GALNTL6: variants seen among roughly 807,000 people sequenced by gnomAD.
The protein encoded by GALNTL6 is polypeptide N-acetylgalactosaminyltransferase like 6.
Under a neutral mutation model 73.7 loss-of-function variants are expected in GALNTL6, and 46 were observed. The ratio of observed to expected loss-of-function variants is 0.62; its 90% CI spans 0.49 to 0.80. GALNTL6 has a LOEUF of 0.80. Among genes scored for constraint, GALNTL6 ranks in the 30% least tolerant of loss-of-function variants. The probability of loss-of-function intolerance (pLI) is 0.00; values close to 1 mark genes in which losing one functional copy is unlikely to be tolerated. For synonymous variants in GALNTL6, 259 were observed against 263.7 expected (o/e 0.98, Z 0.17); for missense variants, 604 against 755.0 (o/e 0.80, Z 2.34).
intron 5 of GALNTL6, among the ~76,000 whole-genome samples, chr4:172,543,582 C>G (rs1735652080): frequency 6.6e-6 from 1 of 152,086 alleles, no homozygotes; most frequent in African/African-American, 2.4e-5. Context: ...AAATAAATTT[C>G]AAAGCGACAG....
chr4:171,868,865 G>C (rs986193770), intron 2 of GALNTL6, among the ~76,000 whole-genome samples: 8 of 152,104 alleles, frequency 5.3e-5, no homozygotes, highest in Admixed American at 1.3e-4. Context: ...ATTTTTAGTA[G>C]AGACAGGGTT....
chr4:172,576,817 A>G (rs1736974086), intron 5 of GALNTL6, among the ~76,000 whole-genome samples: 1 of 152,180 alleles, frequency 6.6e-6, no homozygotes, highest in South Asian at 2.1e-4. Context: ...AGGGTGACCA[A>G]CAACACAACA....
intron 2 of GALNTL6, among the ~76,000 whole-genome samples, chr4:172,210,198 G>C (rs1357235798): frequency 6.6e-6 from 1 of 151,966 alleles, no homozygotes. Flanking sequence ...TTTAGATTTA[G>C]AGAAATATTG....
intron 5 of GALNTL6, among the ~76,000 whole-genome samples, chr4:172,388,330 C>T (rs1209080890): frequency 6.6e-6 from 1 of 152,098 alleles, no homozygotes; most frequent in Non-Finnish European, 1.5e-5. Flanking sequence ...TCATAGAACG[C>T]AATGCTCTAG....
chr4:172,317,290 T>G (rs1740594127), intron 4 of GALNTL6, among the ~76,000 whole-genome samples: 1 of 152,262 alleles, frequency 6.6e-6, no homozygotes, highest in Admixed American at 6.5e-5. Context: ...TGCATTGTGA[T>G]GCTGAACAAG....
intron 5 of GALNTL6, among the ~76,000 whole-genome samples, chr4:172,779,069 C>A (rs1254499419): frequency 1.3e-5 from 2 of 152,028 alleles, no homozygotes; most frequent in African/African-American, 4.8e-5. Flanking sequence ...GAAATATGAG[C>A]TCCATAAGGG....
intron 2 of GALNTL6, among the ~76,000 whole-genome samples, chr4:171,970,373 G>A (rs1215741531): frequency 1.3e-5 from 2 of 152,136 alleles, no homozygotes; most frequent in Non-Finnish European, 2.9e-5. Context: ...TAAAAGTTTT[G>A]TACTTTAGTA....
intron 6 of GALNTL6, among the ~76,000 whole-genome samples, chr4:172,811,914 A>G (rs191078860): frequency 6.6e-6 from 1 of 152,180 alleles, no homozygotes; most frequent in South Asian, 2.1e-4. Flanking sequence ...GATGTTATTC[A>G]TCATGGTATC....
At chr4:172,661,247 C>T (rs896838369) in intron 5 of GALNTL6, among the ~76,000 whole-genome samples, 1 of 152,174 alleles carries the variant, frequency 6.6e-6, no homozygotes, top group Non-Finnish European at 1.5e-5. Flanking sequence ...CCACCCCCTA[C>T]CCCACAAGAA....
chr4:172,631,149 AT>A lies in GALNTL6; in HGVS notation c.554-178201del, dbSNP rs548371593. Reference sequence around the variant, plus strand: ...TTTTAACTTTTTTGAATATGTAGTAATTTTTTTTTTTAAATGGAGTCTCACC... The same window carrying A: ...TTTTAACTTTTTTGAATATGTAGTAATTTTTTTTTTAAATGGAGTCTCACC... On this transcript the variant is annotated intron_variant, in intron 5 of 12. Transcript: ENST00000506823. Among the ~76,000 whole-genome samples, 885 of 148,406 alleles carry A rather than the reference AT, an allele frequency of 6.0e-3. 4 individuals carry two copies. The highest frequency in any genetic ancestry group is 7.4e-3 in the African/African-American group (303 of 40,714).
At chr4:172,933,557 A>AT (rs1009702701) in intron 9 of GALNTL6, among the ~76,000 whole-genome samples, 17 of 150,974 alleles carry the variant, frequency 1.1e-4, no homozygotes, top group East Asian at 1.9e-4. Context: ...GCTCATTTTT[A>AT]TTTTTTTTTC....
At chr4:173,011,912 T>C (rs568587400) in intron 11 of GALNTL6, among the ~76,000 whole-genome samples, 31 of 152,264 alleles carry the variant, frequency 2.0e-4, no homozygotes, top group African/African-American at 7.0e-4. Context: ...TTTTCGTTTC[T>C]TGTATTTTAG....
chr4:171,832,707 T>C (rs1049006790), intron 2 of GALNTL6, among the ~76,000 whole-genome samples: 1 of 151,766 alleles, frequency 6.6e-6, no homozygotes, highest in Non-Finnish European at 1.5e-5. Flanking sequence ...TATTGAGCCA[T>C]GACTAACAAA....
At chr4:172,296,902 G>A (rs1739697164) in intron 3 of GALNTL6, among the ~76,000 whole-genome samples, 1 of 152,088 alleles carries the variant, frequency 6.6e-6, no homozygotes, top group African/African-American at 2.4e-5. Context: ...TGGGTCAAAT[G>A]GTATTTCTAG....
At chr4:172,039,275 A>G (rs1462712379) in intron 2 of GALNTL6, among the ~76,000 whole-genome samples, 2 of 152,176 alleles carry the variant, frequency 1.3e-5, no homozygotes, top group East Asian at 3.9e-4. Flanking sequence ...AAAATTTTCA[A>G]TGTGGTATAT....
intron 5 of GALNTL6, among the ~76,000 whole-genome samples, chr4:172,671,259 ATATT>A (rs1240674151): frequency 3.9e-5 from 6 of 152,064 alleles, no homozygotes; most frequent in Admixed American, 6.5e-5. Context: ...CATTTTTATG[ATATT>A]GATTCTTTCT....
intron 2 of GALNTL6, among the ~76,000 whole-genome samples, chr4:172,137,650 A>G (rs1733673664): frequency 6.6e-6 from 1 of 152,194 alleles, no homozygotes; most frequent in African/African-American, 2.4e-5. Context: ...AAAAGCCAAA[A>G]AACTACAGGC....
chr4:172,912,649 C>A (rs1747273193), intron 8 of GALNTL6, among the ~76,000 whole-genome samples: 1 of 152,178 alleles, frequency 6.6e-6, no homozygotes. Context: ...AACTGAGAGG[C>A]CGCAGCGAGG....
intron 2 of GALNTL6, among the ~76,000 whole-genome samples, chr4:171,966,330 G>A (rs986654630): frequency 1.3e-5 from 2 of 152,172 alleles, no homozygotes; most frequent in African/African-American, 4.8e-5. Context: ...GCCAAGTGGA[G>A]TTAATTAAGA....
Sources: gnomAD v4.1 joint callset for allele counts (sites outside exome capture counted in the v4.1 genomes callset) on GRCh38, gnomAD v4.1.1 for gene constraint, MANE v1.5 for transcripts, NCBI Gene and HGNC (gene_info 2026-07-23, HGNC 2026-07-21) for gene names.